FAM3C: variants seen among roughly 807,000 people sequenced by gnomAD.
The protein encoded by FAM3C is protein FAM3C.
Under a neutral mutation model 32.5 loss-of-function variants are expected in FAM3C, and 15 were observed. That is an observed-to-expected ratio of 0.46 (90% CI 0.31 to 0.71). The LOEUF (loss-of-function observed/expected upper bound fraction) is 0.71, where lower values mean the gene tolerates loss of function less well. Among genes scored for constraint, FAM3C ranks in the 30% least tolerant of loss-of-function variants. The pLI is 0.05. For missense variants in FAM3C, 175 were observed against 274.4 expected, an observed-to-expected ratio of 0.64 and a Z score of 2.56; for synonymous variants, 75 against 86.1, an observed-to-expected ratio of 0.87 and a Z score of 0.72.
At chr7:121,371,448 T>TC (rs756222832) in intron 4 of FAM3C, 25 bp from the exon 5 acceptor site, 1 of 1,605,286 alleles carries the variant, frequency 6.2e-7, no homozygotes, top group Admixed American at 1.7e-5. Flanking sequence ...ACATGATGTC[T>TC]TTTTTTAGAA....
At chr7:121,352,644 C>G (rs1368537872) in intron 8 of FAM3C, among the ~76,000 whole-genome samples, 3 of 152,242 alleles carry the variant, frequency 2.0e-5, no homozygotes, top group Non-Finnish European at 4.4e-5. Flanking sequence ...TGCATATGCA[C>G]TGGCTTTCCC....
At chr7:121,370,401 T>G (rs1794121681) in intron 5 of FAM3C, among the ~76,000 whole-genome samples, 1 of 152,152 alleles carries the variant, frequency 6.6e-6, no homozygotes. Context: ...AAGAGGCACA[T>G]AAACAGCTAG....
intron 8 of FAM3C, among the ~76,000 whole-genome samples, chr7:121,352,676 C>T (rs1467769491): frequency 6.6e-6 from 1 of 152,240 alleles, no homozygotes; most frequent in Non-Finnish European, 1.5e-5. Flanking sequence ...TCTGCAGCTT[C>T]GTTTCCTGTG....
At chr7:121,394,476 G>C (rs1173009268) in intron 1 of FAM3C, among the ~76,000 whole-genome samples, 1 of 152,158 alleles carries the variant, frequency 6.6e-6, no homozygotes, top group Non-Finnish European at 1.5e-5. Flanking sequence ...TTTTGAAACA[G>C]AAGCCCCTTA....
At chr7:121,363,805 G>A (rs973882743) in intron 6 of FAM3C, among the ~76,000 whole-genome samples, 2 of 151,944 alleles carry the variant, frequency 1.3e-5, no homozygotes, top group East Asian at 1.9e-4. Flanking sequence ...CATTTCATAC[G>A]CCTTTAATCC....
Position 121,375,496 on chromosome 7 carries a change from T to G in FAM3C, c.119-3357A>C, listed in dbSNP as rs1417907376. Reference sequence around the variant, plus strand: ...TAGTAACTGGAAATACTAAAGATTGTTGAGTTTTAAGAAAATGGCTCTGAA... The same window carrying G: ...TAGTAACTGGAAATACTAAAGATTGGTGAGTTTTAAGAAAATGGCTCTGAA... On this transcript the variant is annotated intron_variant, in intron 3 of 9. Coordinates refer to ENST00000359943, the MANE Select transcript of FAM3C (RefSeq NM_014888.3). 3.9e-5 allele frequency among the ~76,000 whole-genome samples: 6 copies of G among 152,280 alleles called. No homozygotes were observed. The South Asian group carries it at 1.2e-3, about 32-fold the overall frequency.
rs1793979375 is a variant in FAM3C, at chr7:121,364,192, A to C, written c.273-4T>G. On this transcript the variant is annotated splice_region_variant and splice_polypyrimidine_tract_variant and intron_variant, in intron 5 of 9. Transcript: ENST00000359943. ...ATTCTTAACACCACTCATTAAACTG[A>C]AGGGGGAGAAATTGAAATAAATTTA... 1.3e-6 allele frequency: 2 copies of C among 1,560,108 alleles called. No homozygotes were observed. Among genetic ancestry groups the C allele is most frequent in the Non-Finnish European group, 1.8e-6 (2 of 1,132,238 alleles).
intron 1 of FAM3C, among the ~76,000 whole-genome samples, chr7:121,388,021 T>C (rs972224086): frequency 3.3e-5 from 5 of 152,132 alleles, no homozygotes; most frequent in African/African-American, 4.8e-5. Context: ...ATAAGATGAC[T>C]GCATTCATTT....
chr7:121,392,367 C>A, intron 1 of FAM3C, among the ~76,000 whole-genome samples: 1 of 152,100 alleles, frequency 6.6e-6, no homozygotes, highest in South Asian at 2.1e-4. Flanking sequence ...ACCTTTTTCA[C>A]AAGGCAGCAG....
At chr7:121,383,062 C>T (rs1794389869) in intron 1 of FAM3C, 52 bp from the exon 2 acceptor site, 1 of 960,128 alleles carries the variant, frequency 1.0e-6, no homozygotes. Context: ...GCAAACATTC[C>T]TCCTTAGATT....
chr7:121,387,442 G>A (rs545047482), intron 1 of FAM3C, among the ~76,000 whole-genome samples: 2 of 152,248 alleles, frequency 1.3e-5, no homozygotes, highest in Admixed American at 6.5e-5. Flanking sequence ...TACTACAGAT[G>A]TAGGACAGAT....
intron 5 of FAM3C, among the ~76,000 whole-genome samples, chr7:121,366,347 T>C (rs1417530322): frequency 6.6e-6 from 1 of 152,088 alleles, no homozygotes. Context: ...CAATGGAATA[T>C]CGTTCAGACA....
At chr7:121,358,586 T>C (rs951705067) in intron 8 of FAM3C, among the ~76,000 whole-genome samples, 3 of 152,014 alleles carry the variant, frequency 2.0e-5, no homozygotes, top group Admixed American at 6.6e-5. Flanking sequence ...GTCAAGTGAA[T>C]GGAACAGAAC....
At chr7:121,361,808 A>G (rs1793930938) in intron 7 of FAM3C, among the ~76,000 whole-genome samples, 1 of 152,114 alleles carries the variant, frequency 6.6e-6, no homozygotes, top group Non-Finnish European at 1.5e-5. Flanking sequence ...CCCAAGGAGT[A>G]GCTGGAACTA....
chr7:121,364,885 TTAGAA>T (rs1300336339), intron 5 of FAM3C, among the ~76,000 whole-genome samples: 1 of 152,120 alleles, frequency 6.6e-6, no homozygotes, highest in Non-Finnish European at 1.5e-5. Flanking sequence ...ATTGCTCAAA[TTAGAA>T]TTATTAAACT....
Position 121,354,461 on chromosome 7 carries a change from T to C in FAM3C, c.468-3192A>G, listed in dbSNP as rs566653855. Among the ~76,000 whole-genome samples, 253 of 152,282 alleles carry C rather than the reference T, an allele frequency of 1.7e-3. 2 individuals carry two copies. The highest frequency in any genetic ancestry group is 6.8e-3 in the Middle Eastern group (2 of 294). On this transcript the variant is annotated intron_variant, in intron 8 of 9. Transcript: ENST00000359943. ...AATGCTGCCCAGAGGCAATCTAAAC[T>C]AGAAAGGGAGGAAGTGGGAACTGGA...
At chr7:121,368,280 A>G (rs899939838) in intron 5 of FAM3C, among the ~76,000 whole-genome samples, 2 of 152,190 alleles carry the variant, frequency 1.3e-5, no homozygotes, top group African/African-American at 2.4e-5. Flanking sequence ...AGTACCTCCA[A>G]AGCTATGACA....
chr7:121,379,822 AC>A (rs1425881282), intron 2 of FAM3C, among the ~76,000 whole-genome samples: 2 of 152,202 alleles, frequency 1.3e-5, no homozygotes, highest in East Asian at 3.8e-4. Flanking sequence ...TTAGCTGTGA[AC>A]CTAAAACTGC....
intron 8 of FAM3C, among the ~76,000 whole-genome samples, chr7:121,358,437 G>C (rs1793854035): frequency 6.6e-6 from 1 of 151,918 alleles, no homozygotes; most frequent in Non-Finnish European, 1.5e-5. Flanking sequence ...AGAAAAGTCA[G>C]AGAAAAAATT....
Sources: gnomAD v4.1 joint callset for allele counts (sites outside exome capture counted in the v4.1 genomes callset) on GRCh38, gnomAD v4.1.1 for gene constraint, MANE v1.5 for transcripts, NCBI Gene and HGNC (gene_info 2026-07-23, HGNC 2026-07-21) for gene names.